Variants in NFIB observed in about 807,000 individuals in gnomAD.
NFIB encodes nuclear factor 1 B-type.
In NFIB, 11 loss-of-function variants were observed where a neutral mutation model predicts 61.5. The observed-to-expected ratio is 0.18, with a 90% confidence interval of 0.11 to 0.30. The LOEUF is 0.30. NFIB is among the 10% of genes least tolerant of loss of function. NFIB has a pLI of 1.00. For missense variants in NFIB, 471 were observed against 608.9 expected (o/e 0.77, Z 2.38); for synonymous variants, 260 against 216.5 (o/e 1.20, Z -1.76).
At chr9:14,304,444 C>T (rs2059915223) in intron 2 of NFIB, among the ~76,000 whole-genome samples, 2 of 152,172 alleles carry the variant, frequency 1.3e-5, no homozygotes, top group South Asian at 4.1e-4. Context: ...CTCCACACTG[C>T]AATGCGGATG....
At chr9:14,240,164 C>T (rs190930927) in intron 2 of NFIB, among the ~76,000 whole-genome samples, 4 of 152,088 alleles carry the variant, frequency 2.6e-5, no homozygotes, top group Admixed American at 2.6e-4. Flanking sequence ...CCTATGGAAA[C>T]ATTTTAAATT....
intron 2 of NFIB, among the ~76,000 whole-genome samples, chr9:14,236,321 A>G (rs1408169260): frequency 6.6e-6 from 1 of 152,238 alleles, no homozygotes; most frequent in Non-Finnish European, 1.5e-5. Context: ...ATCTCCAGAG[A>G]AAGCACTCCT....
intron 2 of NFIB, among the ~76,000 whole-genome samples, chr9:14,276,231 A>G (rs2132381674): frequency 6.6e-6 from 1 of 152,324 alleles, no homozygotes; most frequent in African/African-American, 2.4e-5. Context: ...ACTGTTCTTA[A>G]TCCCCAGATC....
chr9:14,114,068 TTAA>T (rs1381474920), intron 9 of NFIB, among the ~76,000 whole-genome samples: 1 of 152,212 alleles, frequency 6.6e-6, no homozygotes, highest in Non-Finnish European at 1.5e-5. Flanking sequence ...AACCACCAGA[TTAA>T]TGAGGAATCC....
chr9:14,465,850 C>T, the NFIB span, among the ~76,000 whole-genome samples: 4 of 152,152 alleles, frequency 2.6e-5, no homozygotes, highest in East Asian at 7.7e-4. Flanking sequence ...GCACCCTACC[C>T]ACTAAATGCC....
At chr9:14,230,040 G>A (rs927480089) in intron 2 of NFIB, among the ~76,000 whole-genome samples, 3 of 152,260 alleles carry the variant, frequency 2.0e-5, no homozygotes, top group Admixed American at 6.5e-5. Context: ...CCCGACCTCA[G>A]GTGATCAGCC....
At chr9:14,503,312 T>C in the NFIB span, among the ~76,000 whole-genome samples, 3 of 152,194 alleles carry the variant, frequency 2.0e-5, no homozygotes, top group Admixed American at 2.0e-4. Context: ...TAACCAGGAG[T>C]GGGATTGCCG....
intron 3 of NFIB, among the ~76,000 whole-genome samples, chr9:14,169,242 A>C (rs1165960423): frequency 6.6e-6 from 1 of 152,148 alleles, no homozygotes; most frequent in African/African-American, 2.4e-5. Context: ...TAATAAGATC[A>C]AATCTGAAAG....
the NFIB span, among the ~76,000 whole-genome samples, chr9:14,520,093 A>C: frequency 2.0e-5 from 3 of 152,218 alleles, no homozygotes; most frequent in African/African-American, 2.4e-5. Context: ...AGGATATGTG[A>C]GGCACAATAG....
At chr9:14,339,365 AC>A (rs1179988632) in intron 1 of NFIB, among the ~76,000 whole-genome samples, 1 of 152,184 alleles carries the variant, frequency 6.6e-6, no homozygotes, top group African/African-American at 2.4e-5. Context: ...CGTTTGCTAA[AC>A]GCACACCCAG....
chr9:14,300,374 T>C (rs955753952), intron 2 of NFIB: 4 of 396,388 alleles, frequency 1.0e-5, no homozygotes, highest in Admixed American at 4.4e-5. Flanking sequence ...TTGAACATTA[T>C]GTTGGCTAAT....
Position 14,146,724 on chromosome 9 carries a change from G to A in NFIB, c.890C>T (p.Ala297Val). ...GDFYPSPSSP[A>V]AGSRTWHERD... is the part of the protein sequence containing the mutation. ...TTCGTGCCATGTTCGACTTCCAGCA[G>A]CTGGTGAACTTGGAGAGGGGTAAAA... The change falls in exon 6 of 11, where the codon GCT becomes GTT. Residue 297 changes from alanine to valine, a missense_variant. Around this residue, in one of 2 missense-constraint regions of NFIB, gnomAD observed 372 missense variants for 395.6 expected, o/e 0.94. Coordinates refer to ENST00000380953, the MANE Select transcript of NFIB (RefSeq NM_001190737.2). 6.2e-7 allele frequency: 1 copy of A among 1,612,758 alleles called. No homozygotes were observed. The highest frequency in any genetic ancestry group is 8.5e-7 in the Non-Finnish European group (1 of 1,179,464).
At chr9:14,392,864 T>C (rs2061641717) in intron 1 of NFIB, among the ~76,000 whole-genome samples, 1 of 152,254 alleles carries the variant, frequency 6.6e-6, no homozygotes, top group African/African-American at 2.4e-5. Flanking sequence ...TTAGCATTAT[T>C]AAGCAGGGTT....
At chr9:14,178,559 G>C (rs1277872778) in intron 3 of NFIB, among the ~76,000 whole-genome samples, 1 of 151,784 alleles carries the variant, frequency 6.6e-6, no homozygotes, top group African/African-American at 2.4e-5. Flanking sequence ...TACTACTTTT[G>C]TCAACAATAT....
At chr9:14,476,811 A>T in the NFIB span, among the ~76,000 whole-genome samples, 1 of 152,218 alleles carries the variant, frequency 6.6e-6, no homozygotes, top group Admixed American at 6.5e-5. Flanking sequence ...AAAGACCAGG[A>T]CCATTTCTCA....
At chr9:14,305,349 T>C (rs1383699740) in intron 2 of NFIB, among the ~76,000 whole-genome samples, 1 of 152,138 alleles carries the variant, frequency 6.6e-6, no homozygotes, top group East Asian at 1.9e-4. Flanking sequence ...TTTTGAAACT[T>C]TACTTCCATC....
chr9:14,338,545 A>G (rs1378045703), intron 1 of NFIB, among the ~76,000 whole-genome samples: 2 of 152,164 alleles, frequency 1.3e-5, no homozygotes, highest in Middle Eastern at 3.2e-3. Context: ...GCTTCCCTTT[A>G]TTTTATCTAC....
chr9:14,129,066 T>C (rs556669296), intron 6 of NFIB, among the ~76,000 whole-genome samples: 7 of 152,246 alleles, frequency 4.6e-5, no homozygotes, highest in African/African-American at 7.2e-5. Context: ...GGTACGTTCA[T>C]AGAGGATTAT....
chr9:14,125,007 T>C (rs1199828204), intron 7 of NFIB, among the ~76,000 whole-genome samples: 2 of 152,198 alleles, frequency 1.3e-5, no homozygotes, highest in African/African-American at 4.8e-5. Flanking sequence ...ATTCCATCTT[T>C]CCCTTAGTAA....
Sources: gnomAD v4.1 joint callset for allele counts (sites outside exome capture counted in the v4.1 genomes callset) on GRCh38, gnomAD v4.1.1 for gene constraint, gnomAD v4.1.1 regional missense constraint, MANE v1.5 for transcripts, NCBI Gene and HGNC (gene_info 2026-07-23, HGNC 2026-07-21) for gene names.